The following PLCB4 variants were observed in gnomAD, a reference collection of about 807,000 sequenced individuals.
PLCB4 encodes 1-phosphatidylinositol 4,5-bisphosphate phosphodiesterase beta-4.
PLCB4 carries 77 observed loss-of-function variants against 178.8 expected under a neutral mutation model. The observed-to-expected ratio is 0.43, with a 90% confidence interval of 0.36 to 0.52. The LOEUF is 0.52. Ranked by LOEUF, PLCB4 falls within the 20% of genes least tolerant of loss-of-function variation. The probability of loss-of-function intolerance (pLI) is 0.00; values close to 1 mark genes in which losing one functional copy is unlikely to be tolerated. For synonymous variants in PLCB4, 496 were observed against 490.8 expected (o/e 1.01, Z -0.14); for missense variants, 1,024 against 1,453.4 (o/e 0.70, Z 4.80).
At chr20:9,254,492 G>T (rs1035769985) in intron 3 of PLCB4, among the ~76,000 whole-genome samples, 1 of 152,162 alleles carries the variant, frequency 6.6e-6, no homozygotes, top group African/African-American at 2.4e-5. Flanking sequence ...GCCCCTAGGA[G>T]TTCGAGACCA....
chr20:9,461,310 C>T (rs2043376043), intron 35 of PLCB4, among the ~76,000 whole-genome samples: 1 of 152,166 alleles, frequency 6.6e-6, no homozygotes, highest in African/African-American at 2.4e-5. Flanking sequence ...TGAATAAGAA[C>T]AGGTCCAGTC....
chr20:9,459,808 CAGGT>C lies in PLCB4; in HGVS notation c.3247_3248+2del. ...CCCAGCAGCTGAAACTGTCCCATGACAGGTGGGGGAATTGCCGTCTCCAGAGTAA... is the reference window on the plus strand; with the variant it reads ...CCCAGCAGCTGAAACTGTCCCATGACGGGGGAATTGCCGTCTCCAGAGTAA... On this transcript the variant is annotated splice_donor_variant and coding_sequence_variant, in exon 35 of 40. Coordinates refer to ENST00000378473, the MANE Select transcript of PLCB4 (RefSeq NM_001377142.1). LOFTEE classifies it high-confidence loss of function. 2.5e-6 allele frequency: 4 copies of C among 1,595,284 alleles called. No homozygotes were observed. The highest frequency in any genetic ancestry group is 3.4e-6 in the Non-Finnish European group (4 of 1,164,650).
At chr20:9,413,470 T>A (rs1426488505) in intron 25 of PLCB4, among the ~76,000 whole-genome samples, 1 of 151,804 alleles carries the variant, frequency 6.6e-6, no homozygotes, top group Non-Finnish European at 1.5e-5. Flanking sequence ...CCATCCTGGC[T>A]AACACGGCGA....
intron 39 of PLCB4, among the ~76,000 whole-genome samples, chr20:9,477,129 G>T (rs1369193093): frequency 6.6e-6 from 1 of 152,128 alleles, no homozygotes; most frequent in Admixed American, 6.6e-5. Context: ...TTTTTAAAGC[G>T]CTCGCTGAAA....
chr20:9,456,894 G>A (rs1843201444), intron 33 of PLCB4, among the ~76,000 whole-genome samples: 1 of 152,174 alleles, frequency 6.6e-6, no homozygotes, highest in Admixed American at 6.5e-5. Flanking sequence ...GAAATAAGCA[G>A]TAATAGTTGC....
intron 30 of PLCB4, among the ~76,000 whole-genome samples, chr20:9,441,647 C>A (rs953663558): frequency 6.6e-6 from 1 of 152,128 alleles, no homozygotes; most frequent in Admixed American, 6.5e-5. Flanking sequence ...CAGAGGTCTC[C>A]TCTTAGAGGG....
intron 3 of PLCB4, among the ~76,000 whole-genome samples, chr20:9,251,744 C>G (rs1342570451): frequency 2.0e-5 from 3 of 151,864 alleles, no homozygotes; most frequent in Non-Finnish European, 4.4e-5. Context: ...TAATAAAGAC[C>G]TCAATTCCCT....
chr20:9,252,277 C>CA (rs1175955426), intron 3 of PLCB4, among the ~76,000 whole-genome samples: 1 of 152,174 alleles, frequency 6.6e-6, no homozygotes, highest in East Asian at 1.9e-4. Flanking sequence ...CCTCACTACT[C>CA]AAAGTGTGGT....
rs766259443 is a variant in PLCB4 at position 9,453,313 on chromosome 20, G to T, written c.2881-34G>T. On this transcript the variant is annotated intron_variant, in intron 32 of 39. Transcript: ENST00000378473. ...CTATATGGTGTGAGCCATGCTAAGA[G>T]TCCAATTCATAACTGCAAATCCTTC... 3.2e-6 allele frequency: 4 copies of T among 1,246,458 alleles called. No homozygotes were observed. In the African/African-American group the frequency reaches 5.9e-5, roughly 18 times the overall value. 77.2% of individuals were successfully genotyped at this position (1,246,458 alleles called of 1,614,324 possible).
intron 3 of PLCB4, among the ~76,000 whole-genome samples, chr20:9,292,241 C>A (rs1334414632): frequency 6.6e-6 from 1 of 152,036 alleles, no homozygotes; most frequent in African/African-American, 2.4e-5. Context: ...TGAAATAGTC[C>A]AATAATAAGG....
intron 3 of PLCB4, among the ~76,000 whole-genome samples, chr20:9,222,725 G>A (rs1319996648): frequency 6.6e-6 from 1 of 152,108 alleles, no homozygotes; most frequent in Admixed American, 6.5e-5. Flanking sequence ...CGGCTTTCAA[G>A]ACTAGCCATA....
At chr20:9,269,201 A>C (rs369657666) in intron 3 of PLCB4, among the ~76,000 whole-genome samples, 1 of 152,192 alleles carries the variant, frequency 6.6e-6, no homozygotes, top group African/African-American at 2.4e-5. Context: ...TTTAAAGTCC[A>C]CGGATATGCA....
intron 35 of PLCB4, among the ~76,000 whole-genome samples, chr20:9,460,429 A>T (rs2043320483): frequency 6.6e-6 from 1 of 152,206 alleles, no homozygotes; most frequent in Admixed American, 6.5e-5. Flanking sequence ...GAGAGTCTCC[A>T]TTTCCCTTCC....
At chr20:9,391,922 C>T (rs1217601924) in intron 17 of PLCB4, among the ~76,000 whole-genome samples, 3 of 152,188 alleles carry the variant, frequency 2.0e-5, no homozygotes, top group Admixed American at 2.0e-4. Flanking sequence ...CCTTGATGAG[C>T]TGCCTGTCTT....
chr20:9,459,934 T>C, intron 35 of PLCB4, 124 bp downstream of exon 35: 1 of 646,474 alleles, frequency 1.5e-6, no homozygotes, highest in Non-Finnish European at 2.7e-6. Flanking sequence ...AGCTCTTTTG[T>C]GTATCTCATC....
intron 36 of PLCB4, among the ~76,000 whole-genome samples, chr20:9,472,206 A>G (rs1287545893): frequency 6.6e-6 from 1 of 152,208 alleles, no homozygotes; most frequent in Non-Finnish European, 1.5e-5. Flanking sequence ...ACAGGAAGCG[A>G]TGCCACTGTG....
intron 3 of PLCB4, among the ~76,000 whole-genome samples, chr20:9,226,860 C>T (rs1441823203): frequency 1.3e-5 from 2 of 152,124 alleles, no homozygotes; most frequent in Non-Finnish European, 2.9e-5. Flanking sequence ...AGTGCTCTGT[C>T]CCTGGGACTT....
intron 25 of PLCB4, among the ~76,000 whole-genome samples, chr20:9,417,406 T>C (rs2040327541): frequency 6.6e-6 from 1 of 152,174 alleles, no homozygotes; most frequent in South Asian, 2.1e-4. Context: ...CCTCTGTCTC[T>C]ATATTTGCCT....
At chr20:9,225,887 T>A (rs2147319001) in intron 3 of PLCB4, among the ~76,000 whole-genome samples, 1 of 152,356 alleles carries the variant, frequency 6.6e-6, no homozygotes. Flanking sequence ...TTTACTTTTC[T>A]GAAATGAAAA....
Sources: allele counts gnomAD v4.1 joint callset (sites outside exome capture counted in the v4.1 genomes callset), GRCh38; gene constraint gnomAD v4.1.1; transcripts MANE v1.5; gene names NCBI Gene and HGNC (gene_info 2026-07-23, HGNC 2026-07-21).